The following ZDHHC3 variants were observed in gnomAD, a reference collection of about 807,000 sequenced individuals.
ZDHHC3 encodes zDHHC palmitoyltransferase 3.
Under a neutral mutation model 30.6 loss-of-function variants are expected in ZDHHC3, and 9 were observed. The ratio of observed to expected loss-of-function variants is 0.29; its 90% CI spans 0.18 to 0.51. The LOEUF is 0.51. Among genes scored for constraint, ZDHHC3 ranks in the 20% least tolerant of loss-of-function variants. The pLI, the probability that ZDHHC3 is intolerant of heterozygous loss-of-function variation, is 0.97. For missense variants in ZDHHC3, 246 were observed against 384.2 expected (o/e 0.64, Z 3.01); for synonymous variants, 136 against 140.2 (o/e 0.97, Z 0.21).
intron 1 of ZDHHC3, chr3:44,975,091 G>A (rs1705785438): frequency 6.6e-6 from 1 of 150,726 alleles, no homozygotes; most frequent in Non-Finnish European, 1.5e-5. Context: ...CTCAAAAATG[G>A]AACATCAGGA....
Position 44,916,850 on chromosome 3 carries a change from T to TG in ZDHHC3, c.*9838_*9839insC, listed in dbSNP as rs1700209235. ...GGGGTGTGTGTGTGTGTGTGTGTGTTTGTCTATCTTCCTGATTCATCTGAT... is the reference window on the plus strand; with the variant it reads ...GGGGTGTGTGTGTGTGTGTGTGTGTTGTGTCTATCTTCCTGATTCATCTGAT... On this transcript the variant is annotated 3_prime_UTR_variant, in exon 7 of 7. Coordinates refer to ENST00000424952, the MANE Select transcript of ZDHHC3 (RefSeq NM_001135179.2). 1.3e-5 allele frequency: 2 copies of TG among 151,492 alleles called. No individual in the cohort carries two copies. The highest frequency in any genetic ancestry group is 4.9e-5 in the African/African-American group (2 of 41,060). 9.4% of individuals were successfully genotyped at this position (151,492 alleles called of 1,614,324 possible).
Position 44,969,814 on chromosome 3 carries a change from T to A in ZDHHC3, c.-25+6119A>T, listed in dbSNP as rs557189914. Reference sequence around the variant, plus strand: ...GGCCGTGAAGCCTCAGCCAGAAGAGTCACCTAGGATTGAATCCCTAAAATC... The same window carrying A: ...GGCCGTGAAGCCTCAGCCAGAAGAGACACCTAGGATTGAATCCCTAAAATC... On this transcript the variant is annotated intron_variant, in intron 1 of 6. Transcript: ENST00000424952. 2.0e-5 allele frequency: 3 copies of A among 152,176 alleles called. No individual in the cohort carries two copies. In the East Asian group the frequency reaches 5.8e-4, roughly 29 times the overall value. 9.4% of individuals were successfully genotyped at this position (152,176 alleles called of 1,614,324 possible).
chr3:44,919,148 T>C lies in ZDHHC3; in HGVS notation c.*7541A>G. On this transcript the variant is annotated 3_prime_UTR_variant, in exon 7 of 7. Coordinates refer to ENST00000424952, the MANE Select transcript of ZDHHC3 (RefSeq NM_001135179.2). ...ATCTCAAAAGTATATCCTCATAAGA[T>C]ACTTATCAATTACAAAGGGAAAAAC... is the stretch of plus-strand genomic sequence containing the variant. 1.0e-6 allele frequency: 1 copy of C among 964,108 alleles called. No homozygotes were observed. The highest frequency in any genetic ancestry group is 1.2e-6 in the Non-Finnish European group (1 of 810,946). The allele number at this position is 964,108 out of a possible 1,614,324, so 59.7% of individuals were successfully genotyped here.
At chr3:44,937,274 T>C (rs1483742763) in intron 3 of ZDHHC3, among the ~76,000 whole-genome samples, 2 of 151,952 alleles carry the variant, frequency 1.3e-5, no homozygotes, top group Non-Finnish European at 2.9e-5. Flanking sequence ...CGAGACCCTG[T>C]CTCCAACAAA....
chr3:44,933,810 G>T, intron 4 of ZDHHC3, 78 bp downstream of exon 4: 1 of 1,309,388 alleles, frequency 7.6e-7, no homozygotes, highest in Non-Finnish European at 1.1e-6. Context: ...AGAACATCGT[G>T]AATGCTGAGA....
At position 44,922,501 on chromosome 3, in the gene ZDHHC3, A is replaced by T; in HGVS notation, c.*4188T>A. Reference sequence around the variant, plus strand: ...GGCAGTTGTTTGTTGGGGAGGCCGCAGCTTATGAGGGAAGGCAGTCTCAGT... The same window carrying T: ...GGCAGTTGTTTGTTGGGGAGGCCGCTGCTTATGAGGGAAGGCAGTCTCAGT... On this transcript the variant is annotated 3_prime_UTR_variant, in exon 7 of 7. Coordinates refer to ENST00000424952, the MANE Select transcript of ZDHHC3 (RefSeq NM_001135179.2). 1.0e-6 allele frequency: 1 copy of T among 985,384 alleles called. No homozygotes were observed. The highest frequency in any genetic ancestry group is 1.2e-6 in the Non-Finnish European group (1 of 829,918). 61.0% of individuals were successfully genotyped at this position (985,384 alleles called of 1,614,324 possible). A position where few individuals can be genotyped will look rare whatever the true frequency, so the allele number is the denominator to read the frequency against.
chr3:44,924,436 T>G lies in ZDHHC3; in HGVS notation c.*2253A>C. Reference sequence around the variant, plus strand: ...GGTTTGAGAGCTCAGAAACATTGACTCTTTCTAGCCAAGGCCTATACAAAA... The same window carrying G: ...GGTTTGAGAGCTCAGAAACATTGACGCTTTCTAGCCAAGGCCTATACAAAA... On this transcript the variant is annotated 3_prime_UTR_variant, in exon 7 of 7. Transcript: ENST00000424952. 3.0e-6 allele frequency: 3 copies of G among 985,454 alleles called. No homozygotes were observed. Among genetic ancestry groups the G allele is most frequent in the Non-Finnish European group, 3.6e-6 (3 of 829,932 alleles). 61.0% of individuals were successfully genotyped at this position (985,454 alleles called of 1,614,324 possible).
At chr3:44,945,928 A>G (rs1702890901) in intron 2 of ZDHHC3, among the ~76,000 whole-genome samples, 1 of 152,186 alleles carries the variant, frequency 6.6e-6, no homozygotes, top group South Asian at 2.1e-4. Flanking sequence ...ATTTTACTGG[A>G]ATTATTTTAA....
chr3:44,969,645 G>A (rs1705244061), intron 1 of ZDHHC3: 1 of 152,196 alleles, frequency 6.6e-6, no homozygotes, highest in African/African-American at 2.4e-5. Context: ...TTATGCAGAG[G>A]TGGCATTATC....
chr3:44,974,452 C>T (rs946015239), intron 1 of ZDHHC3, among the ~76,000 whole-genome samples: 3 of 152,222 alleles, frequency 2.0e-5, no homozygotes, highest in African/African-American at 7.2e-5. Context: ...CAGGGTCTCT[C>T]CTTTCTGAGC....
chr3:44,942,041 C>T (rs1236885123), intron 3 of ZDHHC3, among the ~76,000 whole-genome samples: 1 of 152,210 alleles, frequency 6.6e-6, no homozygotes, highest in East Asian at 1.9e-4. Context: ...AAGGAAAGAC[C>T]CAACCACACA....
Position 44,923,897 on chromosome 3 carries a change from A to G in ZDHHC3, c.*2792T>C. On this transcript the variant is annotated 3_prime_UTR_variant, in exon 7 of 7. Transcript: ENST00000424952. ...ACTTCTACCCAAATGTGTTTTGTGT[A>G]CATGATATTACCAAGCCCATGCAAA... 1 of 985,474 alleles carries G rather than the reference A, an allele frequency of 1.0e-6. No individual in the cohort carries two copies. Among genetic ancestry groups the G allele is most frequent in the Non-Finnish European group, 1.2e-6 (1 of 829,936 alleles). The allele number at this position is 985,474 out of a possible 1,614,324, so 61.0% of individuals were successfully genotyped here.
rs367543251 is a variant in ZDHHC3 at position 44,959,351 on chromosome 3, T to C, written c.86A>G (p.Tyr29Cys). 18 of 1,613,878 alleles carry C rather than the reference T, an allele frequency of 1.1e-5. No homozygotes were observed. The African/African-American group carries it at 2.3e-4, about 20-fold the overall frequency. ...CCACATGGTTCCCACAGGACCAGGGTAGGGGGGTGGGACACACTTCTCTGG... is the reference window on the plus strand; with the variant it reads ...CCACATGGTTCCCACAGGACCAGGGCAGGGGGGTGGGACACACTTCTCTGG... Reference protein sequence around the residue: ...LQPEKCVPPPYPGPVGTMWFI... With the variant: ...LQPEKCVPPPCPGPVGTMWFI... The change falls in exon 2 of 7, where the codon TAC becomes TGC. Residue 29 changes from tyrosine (Y) to cysteine (C), a missense_variant. Transcript: ENST00000424952. This position sits in a 1 kb window ranked among gnomAD's most constrained non-coding sequence, Gnocchi z 4.3.
intron 2 of ZDHHC3, among the ~76,000 whole-genome samples, chr3:44,945,539 T>TTTTTTTGTTTTGTTTTG (rs1346902586): frequency 6.6e-6 from 1 of 152,048 alleles, no homozygotes; most frequent in Non-Finnish European, 1.5e-5. Context: ...CTTTTCTTTG[T>TTTTTTTGTTTTGTTTTG]TTTTTTGTTT....
At chr3:44,927,779 G>A (rs1043193155) in intron 6 of ZDHHC3, among the ~76,000 whole-genome samples, 1 of 152,264 alleles carries the variant, frequency 6.6e-6, no homozygotes, top group Non-Finnish European at 1.5e-5. Context: ...GGAAAGGACA[G>A]GAGCAGCCTG....
Position 44,923,100 on chromosome 3 carries a change from G to A in ZDHHC3, c.*3589C>T, listed in dbSNP as rs1343609400. On this transcript the variant is annotated 3_prime_UTR_variant, in exon 7 of 7. Transcript: ENST00000424952. Reference sequence around the variant, plus strand: ...ATGTTTGTTTTTTTTTTTTGAGACGGAGTCTCACTCTGTCGCCCAGGCTGG... The same window carrying A: ...ATGTTTGTTTTTTTTTTTTGAGACGAAGTCTCACTCTGTCGCCCAGGCTGG... The A allele has an allele frequency of 2.1e-6, 2 of 973,636 alleles. No individual in the cohort carries two copies. Among genetic ancestry groups the A allele is most frequent in the African/African-American group, 1.8e-5 (1 of 56,256 alleles). The allele number at this position is 973,636 out of a possible 1,614,324, so 60.3% of individuals were successfully genotyped here.
intron 1 of ZDHHC3, among the ~76,000 whole-genome samples, chr3:44,971,290 T>G (rs1533677): frequency 0.59 from 89,006 of 152,072 alleles, 27,238 homozygotes; most frequent in East Asian, 0.9. Context: ...TACTACGAAG[T>G]CTATGGTTTG....
At position 44,925,997 on chromosome 3, in the gene ZDHHC3, C is replaced by T. The variant is rs1314384233; in HGVS notation, c.*692G>A. ...TCCTACACACTCTTCCAAATAATCACAGGGAATATAATTGCTGATTCAGAA... is the reference window on the plus strand; with the variant it reads ...TCCTACACACTCTTCCAAATAATCATAGGGAATATAATTGCTGATTCAGAA... On this transcript the variant is annotated 3_prime_UTR_variant, in exon 7 of 7. Coordinates refer to ENST00000424952, the MANE Select transcript of ZDHHC3 (RefSeq NM_001135179.2). 4.1e-6 allele frequency: 4 copies of T among 985,712 alleles called. No homozygotes were observed. Among genetic ancestry groups the T allele is most frequent in the Non-Finnish European group, 4.8e-6 (4 of 829,936 alleles). The allele number at this position is 985,712 out of a possible 1,614,324, so 61.1% of individuals were successfully genotyped here.
In ZDHHC3 at chr3:44,959,068, T is replaced by C. The variant is rs1216820354; in HGVS notation, c.306+63A>G. On this transcript the variant is annotated intron_variant, in intron 2 of 6. Coordinates refer to ENST00000424952, the MANE Select transcript of ZDHHC3 (RefSeq NM_001135179.2). This position sits in a 1 kb window ranked among gnomAD's most constrained non-coding sequence, Gnocchi z 4.3. ...AGGTCCAGGGGGAACATGCAGGCTG[T>C]GGCCATGCCAGAGCCAGAGGAGGAG... The C allele has an allele frequency of 5.7e-6, 9 of 1,582,598 alleles. No homozygotes were observed. The highest frequency in any genetic ancestry group is 1.3e-5 in the African/African-American group (1 of 74,282).
Sources: allele counts gnomAD v4.1 joint callset (sites outside exome capture counted in the v4.1 genomes callset), GRCh38; gene constraint gnomAD v4.1.1; non-coding constraint Gnocchi (gnomAD v3.1); transcripts MANE v1.5; gene names NCBI Gene and HGNC (gene_info 2026-07-23, HGNC 2026-07-21).